Variants in SCEL observed in about 807,000 individuals in gnomAD.
SCEL encodes sciellin.
Under a neutral mutation model 117.6 loss-of-function variants are expected in SCEL, and 113 were observed. That is an observed-to-expected ratio of 0.96 (90% CI 0.83 to 1.12). SCEL has a LOEUF of 1.12. Among genes scored for constraint, SCEL ranks in the 50% most tolerant of loss-of-function variants. The pLI, the probability that SCEL is intolerant of heterozygous loss-of-function variation, is 0.00. For missense variants in SCEL, 785 were observed against 810.8 expected (o/e 0.97, Z 0.39); for synonymous variants, 270 against 256.2 (o/e 1.05, Z -0.51).
At chr13:77,591,340 A>C in intron 10 of SCEL, 55 bp from the exon 11 acceptor site, 2 of 1,090,358 alleles carry the variant, frequency 1.8e-6, no homozygotes, top group Non-Finnish European at 2.8e-6. Context: ...ATTTCAATTT[A>C]TCAAAAAGTG....
At chr13:77,597,753 T>A (rs1477084845) in intron 13 of SCEL, among the ~76,000 whole-genome samples, 164 bp downstream of exon 13, 1 of 151,998 alleles carries the variant, frequency 6.6e-6, no homozygotes, top group African/African-American at 2.4e-5. Context: ...ATTGTTATGA[T>A]GAATGGTTAT....
At chr13:77,611,173 G>A (rs936750374) in intron 22 of SCEL, among the ~76,000 whole-genome samples, 1 of 152,178 alleles carries the variant, frequency 6.6e-6, no homozygotes. Context: ...GGACAAAATT[G>A]TCTCTGTTTT....
Position 77,599,379 on chromosome 13 carries a change from G to T in SCEL, c.848G>T (p.Arg283Ile), listed in dbSNP as rs929166594. The T allele has an allele frequency of 1.2e-6, 2 of 1,612,026 alleles. No homozygotes were observed. The highest frequency in any genetic ancestry group is 1.7e-6 in the Non-Finnish European group (2 of 1,178,578). The change falls in exon 14 of 33, where the codon AGA (arginine) becomes ATA (isoleucine). Residue 283 changes from arginine to isoleucine, a missense_variant. Coordinates refer to ENST00000349847, the MANE Select transcript of SCEL (RefSeq NM_144777.3). ...LFRANPKVEE[R>I]EKRAKSLESL... ...AGAGCAAATCCAAAGGTAGAAGAAA[G>T]AGAGAAAAGGTAAGTGCATCTGTCT...
At chr13:77,578,809 T>C (rs998136943) in intron 9 of SCEL, among the ~76,000 whole-genome samples, 2 of 152,090 alleles carry the variant, frequency 1.3e-5, no homozygotes, top group Admixed American at 1.3e-4. Flanking sequence ...ACCGGCAGGA[T>C]ATATTTGTAG....
At chr13:77,545,610 G>A (rs1256872240) in intron 1 of SCEL, among the ~76,000 whole-genome samples, 2 of 152,232 alleles carry the variant, frequency 1.3e-5, no homozygotes, top group South Asian at 2.1e-4. Context: ...GGAAGTAGAG[G>A]TCGATGAGAC....
At chr13:77,635,976 T>C (rs1344953629) in intron 29 of SCEL, among the ~76,000 whole-genome samples, 1 of 152,180 alleles carries the variant, frequency 6.6e-6, no homozygotes, top group Non-Finnish European at 1.5e-5. Context: ...GCATCAGAGT[T>C]TGAGCACCAT....
At chr13:77,596,944 T>C (rs2087272326) in intron 12 of SCEL, 3 of 152,188 alleles carry the variant, frequency 2.0e-5, no homozygotes, top group African/African-American at 7.2e-5. Context: ...GCTTTGCAGT[T>C]GTCAAATGTG....
At position 77,562,247 on chromosome 13, in the gene SCEL, C is replaced by T. The variant is rs188797594; in HGVS notation, c.222-1584C>T. ...ATTGTGATAAGCAGTAGGAAGACAACGGCCACCTAGAGACATAGTGATGGT... is the reference window on the plus strand; with the variant it reads ...ATTGTGATAAGCAGTAGGAAGACAATGGCCACCTAGAGACATAGTGATGGT... On this transcript the variant is annotated intron_variant, in intron 4 of 32. Transcript: ENST00000349847. 2.0e-4 allele frequency among the ~76,000 whole-genome samples: 31 copies of T among 152,198 alleles called. No homozygotes were observed. The East Asian group carries it at 4.6e-3, about 23-fold the overall frequency.
At chr13:77,591,364 CT>C in intron 10 of SCEL, 30 bp from the exon 11 acceptor site, 1 of 1,313,252 alleles carries the variant, frequency 7.6e-7, no homozygotes, top group Non-Finnish European at 1.1e-6. Context: ...TCTTTTCTGA[CT>C]GATATAATCT....
Position 77,556,623 on chromosome 13 carries a change from C to A in SCEL, c.71C>A (p.Thr24Lys), listed in dbSNP as rs749131306. The A allele has an allele frequency of 1.2e-6, 2 of 1,613,984 alleles. No individual in the cohort carries two copies. Among genetic ancestry groups the A allele is most frequent in the Non-Finnish European group, 1.7e-6 (2 of 1,179,884 alleles). The change falls in exon 3 of 33, where the codon ACA (threonine) becomes AAA (lysine). Residue 24 changes from threonine to lysine, a missense_variant. Thr to Lys is a moderately conservative substitution (Grantham distance 78). Transcript: ENST00000349847. The part of the protein sequence containing the change: ...NEMKSTTQGT[T>K]RKQQDFHEVN... Reference sequence around the variant, plus strand: ...ATGAAGAGCACCACTCAGGGAACCACACGGAAGCAGCAGGATTTTCACGAG... The same window carrying A: ...ATGAAGAGCACCACTCAGGGAACCAAACGGAAGCAGCAGGATTTTCACGAG...
intron 9 of SCEL, among the ~76,000 whole-genome samples, chr13:77,588,410 GTA>G (rs1269282699): frequency 6.6e-6 from 1 of 152,140 alleles, no homozygotes; most frequent in Non-Finnish European, 1.5e-5. Flanking sequence ...CTTTTACCAG[GTA>G]CAGAGTTTAT....
In SCEL at chr13:77,642,715, T is replaced by C; in HGVS notation, c.1957T>C (p.Cys653Arg). ...CHSTCFKCEI[C>R]KQPLENLQAG... The stretch of plus-strand genomic sequence containing the variant: ...GTATTTTTTTCTTTAGTGTGAAATA[T>C]GCAAGCAGCCTTTGGAAAATCTACA... The change falls in exon 32 of 33, where the codon TGC (cysteine) becomes CGC (arginine). Residue 653 changes from cysteine to arginine, a missense_variant. Physicochemically the swap from Cys to Arg is radical, Grantham distance 180. Transcript: ENST00000349847. 2 of 1,585,578 alleles carry C rather than the reference T, an allele frequency of 1.3e-6. No homozygotes were observed. The highest frequency in any genetic ancestry group is 8.6e-7 in the Non-Finnish European group (1 of 1,161,828).
intron 8 of SCEL, among the ~76,000 whole-genome samples, chr13:77,570,551 C>T (rs530481622): frequency 1.6e-4 from 24 of 152,346 alleles, no homozygotes; most frequent in African/African-American, 5.5e-4. Context: ...CCTTGATTGA[C>T]TCGTTCCTTG....
intron 12 of SCEL, among the ~76,000 whole-genome samples, chr13:77,596,715 G>GTA (rs985398379): frequency 6.6e-6 from 1 of 151,840 alleles, no homozygotes; most frequent in Non-Finnish European, 1.5e-5. Context: ...GTGTGTGTGT[G>GTA]TGTGTGTGGT....
chr13:77,589,225 G>C lies in SCEL; in HGVS notation c.626+1G>C. ...CTAACCAGCTGAGACAGGATAATAG[G>C]TAAGACCTAGTACTCCAGAATTTCT... On this transcript the variant is annotated splice_donor_variant, in intron 10 of 32. Coordinates refer to ENST00000349847, the MANE Select transcript of SCEL (RefSeq NM_144777.3). LOFTEE classifies it high-confidence loss of function. 1.9e-6 allele frequency: 3 copies of C among 1,595,234 alleles called. No individual in the cohort carries two copies. The highest frequency in any genetic ancestry group is 2.6e-6 in the Non-Finnish European group (3 of 1,163,330).
At chr13:77,542,524 C>T (rs2083764202) in intron 1 of SCEL, among the ~76,000 whole-genome samples, 1 of 152,194 alleles carries the variant, frequency 6.6e-6, no homozygotes, top group South Asian at 2.1e-4. Context: ...CAATGCTAAG[C>T]TTAGATTGTG....
intron 27 of SCEL, among the ~76,000 whole-genome samples, chr13:77,620,750 A>G (rs1158675933): frequency 6.6e-6 from 1 of 152,132 alleles, no homozygotes; most frequent in Non-Finnish European, 1.5e-5. Context: ...AAAAGCATCT[A>G]GTGACACCAA....
intron 9 of SCEL, among the ~76,000 whole-genome samples, chr13:77,579,283 T>C (rs2086134338): frequency 6.6e-6 from 1 of 152,262 alleles, no homozygotes; most frequent in Non-Finnish European, 1.5e-5. Flanking sequence ...TGCAGTGTAC[T>C]CATCAACTAA....
At chr13:77,625,527 C>T (rs2089686308) in intron 27 of SCEL, among the ~76,000 whole-genome samples, 1 of 152,148 alleles carries the variant, frequency 6.6e-6, no homozygotes, top group South Asian at 2.1e-4. Flanking sequence ...AAACCTAGTA[C>T]TTTTTACCTG....
Sources: allele counts gnomAD v4.1 joint callset (sites outside exome capture counted in the v4.1 genomes callset), GRCh38; gene constraint gnomAD v4.1.1; transcripts MANE v1.5; gene names NCBI Gene and HGNC (gene_info 2026-07-23, HGNC 2026-07-21).